Variants in RPS6KA3 observed in about 807,000 individuals in gnomAD.
RPS6KA3 encodes ribosomal protein S6 kinase A3.
Under a neutral mutation model 67.2 loss-of-function variants are expected in RPS6KA3, and 4 were observed. The ratio of observed to expected loss-of-function variants is 0.06; its 90% CI spans 0.03 to 0.14. The LOEUF is 0.14. RPS6KA3 is among the 10% of genes least tolerant of loss of function. The pLI, the probability that RPS6KA3 is intolerant of heterozygous loss-of-function variation, is 1.00. For synonymous variants in RPS6KA3, 182 were observed against 183.7 expected, an observed-to-expected ratio of 0.99 and a Z score of 0.07; for missense variants, 204 against 559.0, an observed-to-expected ratio of 0.36 and a Z score of 6.40.
intron 15 of RPS6KA3, among the ~76,000 whole-genome samples, chrX:20,170,326 A>G (rs2067542113): frequency 9.0e-6 from 1 of 111,705 alleles, no homozygotes; most frequent in Admixed American, 9.6e-5. Flanking sequence ...CTAAATACCC[A>G]GACACTCCAG....
intron 7 of RPS6KA3, among the ~76,000 whole-genome samples, chrX:20,191,870 G>A (rs2068140619): frequency 3.6e-5 from 4 of 110,648 alleles, no homozygotes; most frequent in Admixed American, 2.9e-4. Flanking sequence ...GGATTCAAGC[G>A]ATTCTCCTGC....
rs1184232990 is a variant in RPS6KA3, at chrX:20,163,330, G to T, written c.1765-290C>A. Among the ~76,000 whole-genome samples, 37 of 110,299 alleles carry T rather than the reference G, an allele frequency of 3.4e-4. 1 individual carries two copies. ...TTTTAATGAATTTATATTTTGTTTG[G>T]GGCTACAGAAATATTTACAAAAAAC... On this transcript the variant is annotated intron_variant, in intron 18 of 21. Transcript: ENST00000379565.
chrX:20,218,771 T>C (rs2148755355), intron 2 of RPS6KA3: 2 of 1,004,809 alleles, frequency 2.0e-6, no homozygotes, highest in African/African-American at 1.9e-5. Context: ...AAACATTTTA[T>C]TCTATAAAAG....
intron 1 of RPS6KA3, among the ~76,000 whole-genome samples, chrX:20,254,402 A>G (rs2069976178): frequency 1.8e-5 from 2 of 112,064 alleles, no homozygotes; most frequent in Non-Finnish European, 3.8e-5. Flanking sequence ...TCTATAACCA[A>G]TATTTAATTC....
intron 1 of RPS6KA3, among the ~76,000 whole-genome samples, chrX:20,251,316 A>G (rs778469869): frequency 1.8e-5 from 2 of 112,068 alleles, no homozygotes; most frequent in Non-Finnish European, 3.8e-5. Context: ...TATTATTGTT[A>G]TTATTTGTAG....
At chrX:20,157,668 G>A (rs1190390678) in intron 20 of RPS6KA3, among the ~76,000 whole-genome samples, 1 of 110,952 alleles carries the variant, frequency 9.0e-6, no homozygotes, top group Non-Finnish European at 1.9e-5. Context: ...TGTACTGTGT[G>A]AGGTGGCTTA....
At chrX:20,248,964 G>A (rs1901081820) in intron 1 of RPS6KA3, among the ~76,000 whole-genome samples, 1 of 111,592 alleles carries the variant, frequency 9.0e-6, no homozygotes, top group South Asian at 3.7e-4. Flanking sequence ...GATCCCTCAT[G>A]TGGCCCCTTT....
chrX:20,248,608 A>G (rs1410485362), intron 1 of RPS6KA3, among the ~76,000 whole-genome samples: 3 of 111,433 alleles, frequency 2.7e-5, no homozygotes, highest in African/African-American at 9.8e-5. Flanking sequence ...GCCTCCTTCC[A>G]AGTAGCTGGG....
chrX:20,250,361 TA>T (rs1057477419), intron 1 of RPS6KA3, among the ~76,000 whole-genome samples: 2 of 111,185 alleles, frequency 1.8e-5, no homozygotes, highest in Admixed American at 9.5e-5. Context: ...GCTAATTTTT[TA>T]AAAAATTGTT....
intron 14 of RPS6KA3, among the ~76,000 whole-genome samples, chrX:20,173,550 G>A (rs2067623882): frequency 8.9e-6 from 1 of 111,849 alleles, no homozygotes; most frequent in South Asian, 3.7e-4. Flanking sequence ...TAAACAGGCT[G>A]AGGAAAGTTG....
intron 13 of RPS6KA3, 53 bp downstream of exon 13, chrX:20,176,197 A>C (rs2067695713): frequency 6.0e-6 from 5 of 833,993 alleles, no homozygotes; most frequent in African/African-American, 2.0e-5. Flanking sequence ...TGATGAAACA[A>C]GAAAAAAACA....
intron 17 of RPS6KA3, among the ~76,000 whole-genome samples, chrX:20,166,247 A>G (rs1251890612): frequency 8.9e-6 from 1 of 111,743 alleles, no homozygotes; most frequent in Admixed American, 9.5e-5. Flanking sequence ...AATCAATCAA[A>G]TTAGATTTAG....
intron 8 of RPS6KA3, 26 bp downstream of exon 8, chrX:20,188,471 T>C: frequency 3.4e-6 from 3 of 874,871 alleles, no homozygotes; most frequent in Non-Finnish European, 5.0e-6. Context: ...GAAAATATTT[T>C]AATAAAACGA....
At chrX:20,163,132 C>A in intron 18 of RPS6KA3, 92 bp from the exon 19 acceptor site, 1 of 600,251 alleles carries the variant, frequency 1.7e-6, no homozygotes. Context: ...CAAATCAACA[C>A]CTATAAGGAA....
chrX:20,201,320 G>T (rs1003793306), intron 4 of RPS6KA3, among the ~76,000 whole-genome samples: 9 of 110,366 alleles, frequency 8.2e-5, no homozygotes, highest in Non-Finnish European at 1.7e-4. Context: ...TTTATTTTTT[G>T]TAGAGACAGG....
At chrX:20,194,011 T>C (rs1385938682) in intron 6 of RPS6KA3, among the ~76,000 whole-genome samples, 178 bp downstream of exon 6, 1 of 112,578 alleles carries the variant, frequency 8.9e-6, no homozygotes, top group Non-Finnish European at 1.9e-5. Context: ...TTTGTCAATT[T>C]AAAGTCCTGC....
intron 9 of RPS6KA3, 131 bp from the exon 10 acceptor site, chrX:20,186,497 T>C: frequency 4.2e-6 from 2 of 476,103 alleles, no homozygotes; most frequent in South Asian, 6.0e-5. Flanking sequence ...AACAAGTGTT[T>C]TCTATTTCTA....
intron 2 of RPS6KA3, among the ~76,000 whole-genome samples, chrX:20,213,642 G>C (rs1469649659): frequency 9.1e-6 from 1 of 109,317 alleles, no homozygotes; most frequent in African/African-American, 3.3e-5. Context: ...CACCAACATG[G>C]CACATGTATA....
At chrX:20,219,902 A>C (rs1037824894) in intron 2 of RPS6KA3, among the ~76,000 whole-genome samples, 1 of 111,923 alleles carries the variant, frequency 8.9e-6, no homozygotes, top group African/African-American at 3.3e-5. Context: ...AAAAACCTCA[A>C]GTGTTAATCT....
Sources: gnomAD v4.1 joint callset for allele counts (sites outside exome capture counted in the v4.1 genomes callset) on GRCh38, gnomAD v4.1.1 for gene constraint, MANE v1.5 for transcripts, NCBI Gene and HGNC (gene_info 2026-07-23, HGNC 2026-07-21) for gene names.